The following PXYLP1 variants were observed in gnomAD, a reference collection of about 807,000 sequenced individuals.
PXYLP1 encodes 2-phosphoxylose phosphatase 1.
In PXYLP1, 17 loss-of-function variants were observed where a neutral mutation model predicts 37.9. The ratio of observed to expected loss-of-function variants is 0.45; its 90% CI spans 0.31 to 0.67. The LOEUF (loss-of-function observed/expected upper bound fraction) is 0.67. Among genes scored for constraint, PXYLP1 ranks in the 30% least tolerant of loss-of-function variants. The pLI is 0.07. For synonymous variants in PXYLP1, 221 were observed against 232.2 expected (o/e 0.95, Z 0.44); for missense variants, 511 against 612.0 (o/e 0.84, Z 1.74).
intron 2 of PXYLP1, among the ~76,000 whole-genome samples, chr3:141,269,623 G>GTCCA (rs1431155053): frequency 6.6e-6 from 1 of 152,188 alleles, no homozygotes; most frequent in Non-Finnish European, 1.5e-5. Flanking sequence ...ACCCCCAGAA[G>GTCCA]TCCAATTCAC....
intron 1 of PXYLP1, among the ~76,000 whole-genome samples, chr3:141,241,073 C>T (rs1450605193): frequency 6.6e-6 from 1 of 152,168 alleles, no homozygotes; most frequent in Non-Finnish European, 1.5e-5. Flanking sequence ...TCTCCAGCCC[C>T]CACCCCAACC....
At chr3:141,233,719 C>T (rs1306641756) in intron 1 of PXYLP1, among the ~76,000 whole-genome samples, 2 of 152,230 alleles carry the variant, frequency 1.3e-5, no homozygotes, top group Non-Finnish European at 2.9e-5. Context: ...CGTGGGCCAC[C>T]TGGCCTTTGG....
At position 141,292,511 on chromosome 3, in the gene PXYLP1, G is replaced by A. The variant is rs747896851; in HGVS notation, c.749G>A (p.Arg250Lys). 1 of 1,614,232 alleles carries A rather than the reference G, an allele frequency of 6.2e-7. No individual in the cohort carries two copies. The highest frequency in any genetic ancestry group is 1.1e-5 in the South Asian group (1 of 91,086). ...TCTGGAAGCTGCTATTGCCCGGTAAGAAACCAGTATCTGGAAAAGGAGCAG... is the reference window on the plus strand; with the variant it reads ...TCTGGAAGCTGCTATTGCCCGGTAAAAAACCAGTATCTGGAAAAGGAGCAG... ...FCSGSCYCPV[R>K]NQYLEKEQRR... The change falls in exon 6 of 6, where the codon AGA becomes AAA. Residue 250 changes from arginine (R) to lysine (K), a missense_variant. Arg to Lys is a conservative substitution (Grantham distance 26). Coordinates refer to ENST00000286353, the MANE Select transcript of PXYLP1 (RefSeq NM_001037172.3). This position sits in a 1 kb window ranked among gnomAD's most constrained non-coding sequence, Gnocchi z 4.3.
intron 2 of PXYLP1, among the ~76,000 whole-genome samples, chr3:141,260,674 A>G (rs574382145): frequency 6.6e-6 from 1 of 152,178 alleles, no homozygotes; most frequent in Non-Finnish European, 1.5e-5. Context: ...CACCAGTATC[A>G]AACCCACCCC....
chr3:141,274,186 T>C, intron 2 of PXYLP1: 1 of 1,042,112 alleles, frequency 9.6e-7, no homozygotes, highest in Non-Finnish European at 1.2e-6. Context: ...TCAGCTCCCT[T>C]TATCTAGGTG....
At chr3:141,287,525 T>A in intron 5 of PXYLP1, 72 bp downstream of exon 5, 2 of 1,555,512 alleles carry the variant, frequency 1.3e-6, no homozygotes, top group Non-Finnish European at 8.7e-7. Context: ...CGAGCAGTTC[T>A]CCTGGGCGGG....
At chr3:141,256,329 A>C (rs1272699233) in intron 1 of PXYLP1, among the ~76,000 whole-genome samples, 1 of 152,206 alleles carries the variant, frequency 6.6e-6, no homozygotes, top group African/African-American at 2.4e-5. Flanking sequence ...GCCAGTTGTC[A>C]AGACACACAG....
intron 1 of PXYLP1, among the ~76,000 whole-genome samples, chr3:141,252,286 G>C (rs1055859126): frequency 6.6e-6 from 1 of 152,136 alleles, no homozygotes; most frequent in African/African-American, 2.4e-5. Flanking sequence ...CACACCCCCT[G>C]TGTTAGTCCA....
chr3:141,289,652 T>C (rs1942156764), intron 5 of PXYLP1, among the ~76,000 whole-genome samples: 1 of 152,228 alleles, frequency 6.6e-6, no homozygotes, highest in African/African-American at 2.4e-5. Context: ...AAAAAAGCTG[T>C]CTTGTCCCTG....
intron 1 of PXYLP1, among the ~76,000 whole-genome samples, chr3:141,250,297 AGTT>A (rs1941112828): frequency 1.3e-5 from 2 of 152,226 alleles, no homozygotes; most frequent in Admixed American, 6.5e-5. Flanking sequence ...GGATCTGAAA[AGTT>A]GTGGTACTGT....
chr3:141,278,536 TTGGG>T (rs1941862065), intron 3 of PXYLP1, 36 bp downstream of exon 3: 1 of 1,610,030 alleles, frequency 6.2e-7, no homozygotes, highest in South Asian at 1.1e-5. Flanking sequence ...AGATACCCCT[TTGGG>T]GACTAGTTAT....
chr3:141,276,229 C>T (rs1288014652), intron 2 of PXYLP1, among the ~76,000 whole-genome samples: 1 of 152,200 alleles, frequency 6.6e-6, no homozygotes, highest in Non-Finnish European at 1.5e-5. Context: ...TTACGCAACT[C>T]ATGACTGTAC....
intron 1 of PXYLP1, among the ~76,000 whole-genome samples, chr3:141,243,615 C>G (rs1397945183): frequency 6.6e-6 from 1 of 152,248 alleles, no homozygotes; most frequent in African/African-American, 2.4e-5. Context: ...TCTCGCTGAT[C>G]ATCCCAGCAC....
At chr3:141,241,906 G>GC (rs1168569777) in intron 1 of PXYLP1, among the ~76,000 whole-genome samples, 3 of 152,186 alleles carry the variant, frequency 2.0e-5, no homozygotes, top group Admixed American at 2.0e-4. Context: ...CACGTCTTGT[G>GC]CCCTGTCCCT....
intron 1 of PXYLP1, among the ~76,000 whole-genome samples, chr3:141,234,043 A>G (rs1326858998): frequency 6.6e-6 from 1 of 152,004 alleles, no homozygotes; most frequent in Non-Finnish European, 1.5e-5. Flanking sequence ...AGGGGTACTC[A>G]GTGTTTGTGA....
intron 2 of PXYLP1, among the ~76,000 whole-genome samples, chr3:141,265,454 CA>C (rs1941485621): frequency 1.3e-5 from 2 of 151,622 alleles, no homozygotes; most frequent in Admixed American, 1.3e-4. Flanking sequence ...CTAATGCACA[CA>C]AAATCTAAGA....
Position 141,268,275 on chromosome 3 carries a change from T to C in PXYLP1, c.79+8021T>C, listed in dbSNP as rs565708385. On this transcript the variant is annotated intron_variant, in intron 2 of 5. Transcript: ENST00000286353. ...CAGCAAGAGCAAATACTATCACGGC[T>C]AGTTAGTAAAAATAGAAAGCATTAG... Among the ~76,000 whole-genome samples, 3 of 148,664 alleles carry C rather than the reference T, an allele frequency of 2.0e-5. No individual in the cohort carries two copies. The Admixed American group carries it at 2.0e-4, about 10-fold the overall frequency.
intron 3 of PXYLP1, among the ~76,000 whole-genome samples, chr3:141,279,159 C>T (rs1263024971): frequency 6.6e-6 from 1 of 152,228 alleles, no homozygotes; most frequent in East Asian, 1.9e-4. Flanking sequence ...TCAGCCTACT[C>T]ATGTTCCTCT....
At chr3:141,237,182 A>C (rs1940679599) in intron 1 of PXYLP1, among the ~76,000 whole-genome samples, 1 of 152,222 alleles carries the variant, frequency 6.6e-6, no homozygotes, top group Non-Finnish European at 1.5e-5. Flanking sequence ...AAATGTGGTT[A>C]CATAGTTTTT....
Sources: allele counts gnomAD v4.1 joint callset (sites outside exome capture counted in the v4.1 genomes callset), GRCh38; gene constraint gnomAD v4.1.1; non-coding constraint Gnocchi (gnomAD v3.1); transcripts MANE v1.5; gene names NCBI Gene and HGNC (gene_info 2026-07-23, HGNC 2026-07-21).